Variants in NT5C1B observed in about 807,000 individuals in gnomAD.
NT5C1B encodes cytosolic 5'-nucleotidase 1B.
In NT5C1B, 44 loss-of-function variants were observed where a neutral mutation model predicts 57.8. That is an observed-to-expected ratio of 0.76 (90% CI 0.60 to 0.98). The LOEUF is 0.98. Among genes scored for constraint, NT5C1B ranks in the 50% least tolerant of loss-of-function variants. The pLI is 0.00. For synonymous variants in NT5C1B, 284 were observed against 282.6 expected, an observed-to-expected ratio of 1.00 and a Z score of -0.05; for missense variants, 742 against 719.5, an observed-to-expected ratio of 1.03 and a Z score of -0.36.
rs1016548336 is a variant in NT5C1B, at chr2:18,586,626, C to G, written c.121-235G>C. On this transcript the variant is annotated intron_variant, in intron 2 of 8. Coordinates refer to ENST00000304081, the Ensembl canonical transcript of NT5C1B. ...GTCCACTTGAAAGAGCATCCAAAACCAAGATGCAAACATATTTTTTCACTG... is the reference window on the plus strand; with the variant it reads ...GTCCACTTGAAAGAGCATCCAAAACGAAGATGCAAACATATTTTTTCACTG... The G allele has an allele frequency of 1.1e-5, 7 of 651,798 alleles. No individual in the cohort carries two copies. In the South Asian group the frequency reaches 1.6e-4, roughly 15 times the overall value. 40.4% of individuals were successfully genotyped at this position (651,798 alleles called of 1,614,324 possible).
intron 2 of NT5C1B, chr2:18,587,082 C>A: frequency 2.5e-6 from 4 of 1,613,936 alleles, no homozygotes; most frequent in Non-Finnish European, 3.4e-6. Context: ...AAGGGCTGTT[C>A]CCTCAGCTGC....
At chr2:18,567,002 C>T (rs1346195155) in intron 8 of NT5C1B, among the ~76,000 whole-genome samples, 2 of 152,136 alleles carry the variant, frequency 1.3e-5, no homozygotes, top group Non-Finnish European at 2.9e-5. Flanking sequence ...ACAAGCAATT[C>T]AAGTAATTTC....
At chr2:18,572,249 GA>G (rs1342660126) in intron 8 of NT5C1B, among the ~76,000 whole-genome samples, 1 of 152,046 alleles carries the variant, frequency 6.6e-6, no homozygotes, top group African/African-American at 2.4e-5. Flanking sequence ...GGATAAGGAG[GA>G]AAAATGAACC....
At chr2:18,569,543 T>G (rs1664962406) in intron 8 of NT5C1B, among the ~76,000 whole-genome samples, 1 of 152,012 alleles carries the variant, frequency 6.6e-6, no homozygotes, top group African/African-American at 2.4e-5. Flanking sequence ...TAGATAAAAG[T>G]ATAGAAAAAT....
At chr2:18,576,836 C>G (rs1385941233) in exon 7 of NT5C1B, 3 of 1,613,880 alleles carry the variant, frequency 1.9e-6, no homozygotes, top group Non-Finnish European at 2.5e-6. Context: ...GTAAGATATG[C>G]CTTCAAATAG....
exon 9 of NT5C1B, chr2:18,563,632 T>C: frequency 3.1e-6 from 2 of 649,956 alleles, no homozygotes; most frequent in East Asian, 2.8e-5. Context: ...TGATGGTAAC[T>C]TGAGGGTTCA....
rs537703413 is a variant in NT5C1B, at chr2:18,577,280, A to C, written c.1022-385T>G. On this transcript the variant is annotated intron_variant, in intron 6 of 8. Transcript: ENST00000304081. Reference sequence around the variant, plus strand: ...GATGCATAGAGCAGACTTGAGCCCAAGTGTTTGACTCTTGTCTGGGCTAGA... The same window carrying C: ...GATGCATAGAGCAGACTTGAGCCCACGTGTTTGACTCTTGTCTGGGCTAGA... Among the ~76,000 whole-genome samples, 134 of 152,152 alleles carry C rather than the reference A, an allele frequency of 8.8e-4. No individual in the cohort carries two copies. In the Middle Eastern group the frequency reaches 0.014, roughly 15 times the overall value.
At chr2:18,580,162 C>T (rs1298299554) in intron 6 of NT5C1B, among the ~76,000 whole-genome samples, 1 of 152,090 alleles carries the variant, frequency 6.6e-6, no homozygotes, top group South Asian at 2.1e-4. Context: ...TGGTTAAAAA[C>T]GAACACTTAT....
At chr2:18,586,118 G>T (rs11096544) in intron 3 of NT5C1B, 136 bp downstream of exon 3, 377,704 of 1,339,022 alleles carry the variant, frequency 0.28, 57,005 homozygotes, top group Non-Finnish European at 0.31. Flanking sequence ...ACGGGCAGAA[G>T]GGAGTTCTCC....
chr2:18,584,253 G>A lies in NT5C1B; in HGVS notation c.726C>T (p.Pro242=). The change falls in exon 5 of 9, where the codon CCC becomes CCT. Residue 242 remains proline (P), a splice_region_variant and synonymous_variant. Transcript: ENST00000304081. This position sits in a 1 kb window ranked among gnomAD's most constrained non-coding sequence, Gnocchi z 5.8. ...CAATGGTGATGGCGTTCTTGGGTTT[G>A]GGCTGCAGAGAGGGACGCCAAAGGG... is the stretch of plus-strand genomic sequence containing the variant. 1.2e-6 allele frequency: 2 copies of A among 1,613,244 alleles called. No individual in the cohort carries two copies. The highest frequency in any genetic ancestry group is 1.7e-6 in the Non-Finnish European group (2 of 1,179,322).
intron 2 of NT5C1B, 160 bp from the exon 3 acceptor site, chr2:18,586,551 A>T: frequency 8.9e-7 from 1 of 1,123,400 alleles, no homozygotes; most frequent in Non-Finnish European, 1.2e-6. Context: ...CTTCTGTACT[A>T]TTCTAACTCT....
intron 8 of NT5C1B, among the ~76,000 whole-genome samples, chr2:18,575,578 T>C (rs112775405): frequency 6.6e-6 from 1 of 152,178 alleles, no homozygotes; most frequent in South Asian, 2.1e-4. Flanking sequence ...TCAAAAGTTA[T>C]AGGTTCTGTT....
chr2:18,571,923 T>TA (rs1484360714), intron 8 of NT5C1B, among the ~76,000 whole-genome samples: 1 of 150,014 alleles, frequency 6.7e-6, no homozygotes, highest in Non-Finnish European at 1.5e-5. Context: ...TACTCTCTAC[T>TA]AAAAATACAA....
intron 1 of NT5C1B, among the ~76,000 whole-genome samples, chr2:18,588,677 T>G (rs1478707019): frequency 2.0e-5 from 3 of 152,180 alleles, no homozygotes; most frequent in East Asian, 3.8e-4. Flanking sequence ...GGGACTACAT[T>G]TTCAGAATAT....
rs746040479 is a variant in NT5C1B, at chr2:18,580,410, T to G, written c.1021+2458A>C. On this transcript the variant is annotated intron_variant, in intron 6 of 8. Transcript: ENST00000304081. ...GGGCAGATCATCTGAGGTCGGGAGTTTGAGACTGGCCAGATCAACATGGAG... is the reference window on the plus strand; with the variant it reads ...GGGCAGATCATCTGAGGTCGGGAGTGTGAGACTGGCCAGATCAACATGGAG... 1.5e-4 allele frequency among the ~76,000 whole-genome samples: 23 copies of G among 152,230 alleles called. No homozygotes were observed. In the Middle Eastern group the frequency reaches 0.01, roughly 68 times the overall value.
rs753832651 is a variant in NT5C1B, at chr2:18,584,807, G to A, written c.430C>T (p.Arg144Trp). 9 of 1,612,930 alleles carry A rather than the reference G, an allele frequency of 5.6e-6. No individual in the cohort carries two copies. Among genetic ancestry groups the A allele is most frequent in the East Asian group, 4.5e-5 (2 of 44,862 alleles). The stretch of plus-strand genomic sequence containing the variant: ...TTCTCTTGCATTTTGGTGCTGCGCC[G>A]GGAGCCAGGATCGGGCTCTGGGGGC... The change falls in exon 4 of 9, where the codon CGG (arginine) becomes TGG (tryptophan). Residue 144 changes from arginine to tryptophan, a missense_variant. Physicochemically the swap from Arg to Trp is moderately radical, Grantham distance 101. Coordinates refer to ENST00000304081, the Ensembl canonical transcript of NT5C1B. The surrounding 1 kb of genome is among the most constrained non-coding windows in gnomAD (Gnocchi z 5.8).
chr2:18,576,946 G>A (rs1558378142), intron 6 of NT5C1B, 51 bp from the exon 7 acceptor site: 1 of 1,605,560 alleles, frequency 6.2e-7, no homozygotes, highest in East Asian at 2.2e-5. Flanking sequence ...AAGACAAAAT[G>A]CCGTAAATCC....
At position 18,587,249 on chromosome 2, in the gene NT5C1B, TC is replaced by T. The variant is rs1000203703; in HGVS notation, c.120+253del. Reference sequence around the variant, plus strand: ...TCCCTGATTTGAACAAAGACCAGTCTCCCCCCTGTGTAGGCTGAGCAGAGGA... The same window carrying T: ...TCCCTGATTTGAACAAAGACCAGTCTCCCCCTGTGTAGGCTGAGCAGAGGA... On this transcript the variant is annotated intron_variant, in intron 2 of 8. Coordinates refer to ENST00000304081, the Ensembl canonical transcript of NT5C1B. The T allele has an allele frequency of 5.9e-6, 9 of 1,521,590 alleles. No homozygotes were observed. In the Admixed American group the frequency reaches 1.4e-4, roughly 23 times the overall value. The allele number at this position is 1,521,590 out of a possible 1,614,324, so 94.3% of individuals were successfully genotyped here.
At chr2:18,578,860 A>C (rs1473617867) in intron 6 of NT5C1B, among the ~76,000 whole-genome samples, 1 of 152,218 alleles carries the variant, frequency 6.6e-6, no homozygotes, top group Admixed American at 6.5e-5. Context: ...GATTATCTCT[A>C]CTGGAAGATG....
Sources: gnomAD v4.1 joint callset for allele counts (sites outside exome capture counted in the v4.1 genomes callset) on GRCh38, gnomAD v4.1.1 for gene constraint, Gnocchi (gnomAD v3.1) non-coding constraint, MANE v1.5 for transcripts, NCBI Gene and HGNC (gene_info 2026-07-23, HGNC 2026-07-21) for gene names.